Variants in TBC1D5 observed in about 807,000 individuals in gnomAD.
TBC1D5 encodes TBC1 domain family, member 5.
Under a neutral mutation model 100.3 loss-of-function variants are expected in TBC1D5, and 75 were observed. The ratio of observed to expected loss-of-function variants is 0.75; its 90% CI spans 0.62 to 0.91. The LOEUF (loss-of-function observed/expected upper bound fraction) is 0.91. TBC1D5 is among the 40% of genes least tolerant of loss of function. The probability of loss-of-function intolerance (pLI) is 0.00; values close to 1 mark genes in which losing one functional copy is unlikely to be tolerated. For missense variants in TBC1D5, 910 were observed against 942.4 expected (o/e 0.97, Z 0.45); for synonymous variants, 323 against 325.6 (o/e 0.99, Z 0.09).
At position 17,685,526 on chromosome 3, in the gene TBC1D5, C is replaced by T. The variant is rs562292828; in HGVS notation, c.-101+53817G>A. Among the ~76,000 whole-genome samples the T allele has an allele frequency of 5.9e-5, 9 of 151,924 alleles. No homozygotes were observed. The East Asian group carries it at 7.7e-4, about 13-fold the overall frequency. ...AACCTACAAAGCTACAATGATTTTC[C>T]GGATTTTGATAATTTAAATAAGCAA... On this transcript the variant is annotated intron_variant, in intron 1 of 21. Transcript: ENST00000253692.
In TBC1D5 at chr3:17,405,531, T is replaced by G. The variant is rs536706439; in HGVS notation, c.277-570A>C. On this transcript the variant is annotated intron_variant, in intron 5 of 21. Transcript: ENST00000253692. ...GATTTAATTTAGTTTAATACAATAT[T>G]AAAATAAATTTGGATTTAGATTTAT... Among the ~76,000 whole-genome samples, 11 of 152,158 alleles carry G rather than the reference T, an allele frequency of 7.2e-5. No homozygotes were observed. The East Asian group carries it at 1.9e-3, about 27-fold the overall frequency.
At chr3:17,736,508 A>G (rs2153998653) in intron 1 of TBC1D5, among the ~76,000 whole-genome samples, 1 of 152,324 alleles carries the variant, frequency 6.6e-6, no homozygotes, top group Non-Finnish European at 1.5e-5. Flanking sequence ...ATGAATATGC[A>G]GTAGACAAAC....
At chr3:17,168,509 C>T (rs2066864426) in intron 19 of TBC1D5, among the ~76,000 whole-genome samples, 1 of 152,140 alleles carries the variant, frequency 6.6e-6, no homozygotes, top group Non-Finnish European at 1.5e-5. Flanking sequence ...GTATGTTAAA[C>T]ACTCAGTGGT....
exon 17 of TBC1D5, chr3:17,238,229 A>G: frequency 6.2e-7 from 1 of 1,614,002 alleles, no homozygotes; most frequent in Non-Finnish European, 8.5e-7. Flanking sequence ...TGCTGTTGCA[A>G]GTGATGGCTT....
intron 13 of TBC1D5, among the ~76,000 whole-genome samples, chr3:17,310,644 CA>C (rs2083919448): frequency 6.6e-6 from 1 of 151,984 alleles, no homozygotes; most frequent in Non-Finnish European, 1.5e-5. Flanking sequence ...TTTGGAAGTA[CA>C]GGCATTGATC....
At chr3:17,475,174 G>GCCACCC (rs1559968506) in intron 3 of TBC1D5, among the ~76,000 whole-genome samples, 3 of 150,086 alleles carry the variant, frequency 2.0e-5, no homozygotes, top group Admixed American at 6.6e-5. Context: ...GTTCTACCTT[G>GCCACCC]CCCCGCCCCA....
chr3:17,604,019 A>G (rs1019587494), intron 2 of TBC1D5, among the ~76,000 whole-genome samples: 2 of 152,166 alleles, frequency 1.3e-5, no homozygotes, highest in African/African-American at 4.8e-5. Context: ...TCCTTCATGA[A>G]GCCAAGAACC....
intron 2 of TBC1D5, among the ~76,000 whole-genome samples, chr3:17,615,609 T>A (rs1455887818): frequency 6.6e-6 from 1 of 152,188 alleles, no homozygotes; most frequent in East Asian, 1.9e-4. Flanking sequence ...CCTCGTTTGG[T>A]CTTAGGAGGG....
At chr3:17,167,646 G>T in intron 20 of TBC1D5, 103 bp downstream of exon 21, 2 of 1,008,996 alleles carry the variant, frequency 2.0e-6, no homozygotes, top group Non-Finnish European at 3.1e-6. Flanking sequence ...GGAAATGAGG[G>T]TTAGGGGGAT....
intron 2 of TBC1D5, among the ~76,000 whole-genome samples, chr3:17,573,442 A>G (rs999993138): frequency 1.3e-5 from 2 of 152,016 alleles, no homozygotes; most frequent in Non-Finnish European, 2.9e-5. Context: ...GTAGATCACA[A>G]TGCCTAGCAC....
intron 1 of TBC1D5, among the ~76,000 whole-genome samples, chr3:17,737,671 A>C (rs2077061981): frequency 6.6e-6 from 1 of 152,202 alleles, no homozygotes; most frequent in African/African-American, 2.4e-5. Context: ...ATAAAATTAC[A>C]TCATTCCATT....
intron 1 of TBC1D5, among the ~76,000 whole-genome samples, chr3:17,703,392 T>C (rs946001517): frequency 2.0e-5 from 3 of 152,142 alleles, no homozygotes; most frequent in South Asian, 4.1e-4. Context: ...TCCTGATCCC[T>C]ACTTGAAACA....
chr3:17,443,451 A>G (rs1309736665), intron 3 of TBC1D5, among the ~76,000 whole-genome samples: 1 of 152,230 alleles, frequency 6.6e-6, no homozygotes, highest in Non-Finnish European at 1.5e-5. Flanking sequence ...CTATCAACCA[A>G]TGAGAATTCC....
intron 3 of TBC1D5, among the ~76,000 whole-genome samples, chr3:17,454,584 T>A (rs1431166178): frequency 1.3e-5 from 2 of 152,102 alleles, no homozygotes; most frequent in African/African-American, 4.8e-5. Flanking sequence ...CTCAGCCTCC[T>A]GAGTAGCTGG....
chr3:17,469,999 G>A (rs1378573893), intron 3 of TBC1D5, among the ~76,000 whole-genome samples: 1 of 152,046 alleles, frequency 6.6e-6, no homozygotes, highest in Admixed American at 6.5e-5. Flanking sequence ...CTTCTAAGAT[G>A]TGGCTATAAA....
In TBC1D5 at chr3:17,621,707, C is replaced by CT. The variant is rs34228402; in HGVS notation, c.-36+2141dup. 6.5e-3 allele frequency among the ~76,000 whole-genome samples: 963 copies of CT among 147,906 alleles called. 5 individuals are homozygous for CT. The highest frequency in any genetic ancestry group is 0.015 in the African/African-American group (613 of 40,364). On this transcript the variant is annotated intron_variant, in intron 2 of 21. Coordinates refer to ENST00000253692, the Ensembl canonical transcript of TBC1D5. The stretch of plus-strand genomic sequence containing the variant: ...CTCCATGATATAGTATTCTCGCTAA[C>CT]TTTTTTTTTTTTTTAAACAAATCCA...
chr3:17,533,692 C>T (rs578216406), intron 2 of TBC1D5, among the ~76,000 whole-genome samples: 2 of 152,212 alleles, frequency 1.3e-5, no homozygotes, highest in Admixed American at 6.5e-5. Flanking sequence ...TGTTCAGCTA[C>T]GAATGTGAAT....
chr3:17,624,830 C>A (rs952853826), intron 1 of TBC1D5, among the ~76,000 whole-genome samples: 41 of 151,966 alleles, frequency 2.7e-4, no homozygotes, highest in African/African-American at 8.9e-4. Flanking sequence ...TTCTCGGATA[C>A]TTAAAAATGT....
At chr3:17,346,568 T>C (rs542397165) in intron 13 of TBC1D5, among the ~76,000 whole-genome samples, 36 of 152,310 alleles carry the variant, frequency 2.4e-4, no homozygotes, top group East Asian at 1.9e-3. Context: ...CCATGATATA[T>C]TGAACATTTT....
Sources: gnomAD v4.1 joint callset for allele counts (sites outside exome capture counted in the v4.1 genomes callset) on GRCh38, gnomAD v4.1.1 for gene constraint, MANE v1.5 for transcripts, NCBI Gene and HGNC (gene_info 2026-07-23, HGNC 2026-07-21) for gene names.